Variants in DLG2 observed in about 807,000 individuals in gnomAD.
DLG2 encodes discs large MAGUK scaffold protein 2, also known as disks large homolog 2.
Under a neutral mutation model 132.5 loss-of-function variants are expected in DLG2, and 45 were observed. The observed-to-expected ratio is 0.34, with a 90% CI of 0.27 to 0.44. The LOEUF (loss-of-function observed/expected upper bound fraction) is 0.44, where lower values mean the gene tolerates loss of function less well. DLG2 is among the 20% of genes least tolerant of loss of function. DLG2 has a pLI of 1.00. For synonymous variants in DLG2, 424 were observed against 419.6 expected (o/e 1.01, Z -0.13); for missense variants, 1,045 against 1,196.9 (o/e 0.87, Z 1.87).
intron 6 of DLG2, among the ~76,000 whole-genome samples, chr11:84,669,336 A>G (rs150511648): frequency 3.9e-5 from 6 of 152,242 alleles, no homozygotes; most frequent in Non-Finnish European, 2.9e-5. Flanking sequence ...ACTAAGGAAA[A>G]CATTTACCAG....
chr11:83,701,132 A>C (rs1463258947), intron 18 of DLG2, among the ~76,000 whole-genome samples: 1 of 152,176 alleles, frequency 6.6e-6, no homozygotes, highest in Non-Finnish European at 1.5e-5. Context: ...GGTGATGAGA[A>C]ACCCCCTTTG....
intron 17 of DLG2, chr11:83,791,500 C>T: frequency 3.0e-6 from 2 of 656,498 alleles, no homozygotes; most frequent in Admixed American, 2.1e-5. Context: ...GGTTGTTGTA[C>T]TACCATGAAA....
At chr11:84,607,519 G>A (rs948021900) in intron 6 of DLG2, among the ~76,000 whole-genome samples, 1 of 152,084 alleles carries the variant, frequency 6.6e-6, no homozygotes, top group African/African-American at 2.4e-5. Flanking sequence ...AGTGAAGTCA[G>A]TGGACTTTTA....
intron 3 of DLG2, among the ~76,000 whole-genome samples, chr11:85,363,992 T>C (rs2084350799): frequency 6.6e-6 from 1 of 152,174 alleles, no homozygotes; most frequent in South Asian, 2.1e-4. Context: ...ATGTTTCCTA[T>C]TATTAATAGA....
intron 19 of DLG2, among the ~76,000 whole-genome samples, chr11:83,628,647 C>G (rs1480780517): frequency 6.6e-6 from 1 of 152,126 alleles, no homozygotes; most frequent in Non-Finnish European, 1.5e-5. Context: ...AAATACTTCC[C>G]TCTATTTCTA....
chr11:83,865,137 A>C (rs1450621346), intron 16 of DLG2, among the ~76,000 whole-genome samples: 2 of 152,172 alleles, frequency 1.3e-5, no homozygotes, highest in African/African-American at 4.8e-5. Flanking sequence ...ATGAAAGATA[A>C]AGACAAGACG....
intron 3 of DLG2, among the ~76,000 whole-genome samples, chr11:85,328,669 T>C (rs1316502657): frequency 1.3e-5 from 2 of 150,140 alleles, no homozygotes; most frequent in African/African-American, 4.9e-5. Context: ...GCCAATATCA[T>C]ACTGAATGGG....
intron 4 of DLG2, among the ~76,000 whole-genome samples, chr11:85,283,609 A>C (rs1003046490): frequency 2.0e-5 from 3 of 151,862 alleles, no homozygotes; most frequent in Non-Finnish European, 4.4e-5. Flanking sequence ...TGAAAGAAAA[A>C]TAGACAACCA....
In DLG2 at chr11:83,788,759, T is replaced by C. The variant is rs545918604; in HGVS notation, c.1723-1967A>G. Among the ~76,000 whole-genome samples, 67 of 152,344 alleles carry C rather than the reference T, an allele frequency of 4.4e-4. 1 individual carries two copies. Among genetic ancestry groups the C allele is most frequent in the African/African-American group, 1.5e-3 (63 of 41,584 alleles). ...AAGAATAAAATGTGATCATGGCAAA[T>C]AAATTCTGTTTCAGAAAGGTCTAAA... On this transcript the variant is annotated intron_variant, in intron 17 of 27. Transcript: ENST00000376104.
intron 21 of DLG2, 97 bp from the exon 22 acceptor site, chr11:83,484,325 C>A: frequency 1.2e-6 from 1 of 849,380 alleles, no homozygotes; most frequent in Non-Finnish European, 1.9e-6. Context: ...GCACAGAGAG[C>A]TGTAGTGACG....
chr11:85,453,561 TCG>T (rs1400161947), intron 3 of DLG2: 1 of 154,988 alleles, frequency 6.5e-6, no homozygotes, highest in African/African-American at 2.4e-5. Context: ...CCCATTATCA[TCG>T]TTTTGCCAAG....
At chr11:84,339,697 G>T (rs1197064138) in intron 7 of DLG2, among the ~76,000 whole-genome samples, 1 of 152,024 alleles carries the variant, frequency 6.6e-6, no homozygotes, top group Non-Finnish European at 1.5e-5. Flanking sequence ...GCTGAATTCT[G>T]GAACCTGGAA....
chr11:84,159,818 T>C (rs2095506896), intron 9 of DLG2, among the ~76,000 whole-genome samples: 1 of 152,110 alleles, frequency 6.6e-6, no homozygotes, highest in South Asian at 2.1e-4. Context: ...GCAGAGCAGG[T>C]GGTAAGATCT....
chr11:84,185,321 C>T (rs987371244), intron 8 of DLG2, among the ~76,000 whole-genome samples: 3 of 151,988 alleles, frequency 2.0e-5, no homozygotes, highest in African/African-American at 7.3e-5. Flanking sequence ...GTATTTTATT[C>T]TCTTTGAAGC....
At chr11:84,983,391 G>A (rs575093514) in intron 6 of DLG2, among the ~76,000 whole-genome samples, 1 of 152,206 alleles carries the variant, frequency 6.6e-6, no homozygotes, top group South Asian at 2.1e-4. Context: ...AAGAGAGATA[G>A]CAATCACTAC....
At chr11:83,511,260 G>A (rs2095019912) in intron 21 of DLG2, among the ~76,000 whole-genome samples, 1 of 152,138 alleles carries the variant, frequency 6.6e-6, no homozygotes, top group African/African-American at 2.4e-5. Flanking sequence ...TTCCTTCAAT[G>A]CTTCTTCTGC....
chr11:83,527,595 T>C (rs1266796599), intron 21 of DLG2, among the ~76,000 whole-genome samples: 1 of 152,134 alleles, frequency 6.6e-6, no homozygotes, highest in Non-Finnish European at 1.5e-5. Flanking sequence ...TGGGTTTTTA[T>C]AATGGCTACT....
intron 6 of DLG2, among the ~76,000 whole-genome samples, chr11:84,784,787 C>G (rs2072569367): frequency 6.6e-6 from 1 of 151,944 alleles, no homozygotes; most frequent in South Asian, 2.1e-4. Flanking sequence ...CTGGTGGTTA[C>G]TAGAGACTGG....
chr11:83,566,782 C>T (rs2096717117), intron 19 of DLG2, among the ~76,000 whole-genome samples: 2 of 150,618 alleles, frequency 1.3e-5, no homozygotes, highest in Middle Eastern at 6.8e-3. Context: ...AACATTCTTT[C>T]ATTCAAAAAC....
Sources: gnomAD v4.1 joint callset for allele counts (sites outside exome capture counted in the v4.1 genomes callset) on GRCh38, gnomAD v4.1.1 for gene constraint, MANE v1.5 for transcripts, NCBI Gene and HGNC (gene_info 2026-07-23, HGNC 2026-07-21) for gene names.